MATR3: variants seen among roughly 807,000 people sequenced by gnomAD.
MATR3 encodes the protein matrin-3.
MATR3 carries 4 observed loss-of-function variants against 85.5 expected under a neutral mutation model. That is an observed-to-expected ratio of 0.05 (90% CI 0.02 to 0.11). The LOEUF is 0.11. MATR3 is among the 10% of genes least tolerant of loss of function. The pLI, the probability that MATR3 is intolerant of heterozygous loss-of-function variation, is 1.00. For synonymous variants in MATR3, 336 were observed against 343.1 expected, an observed-to-expected ratio of 0.98 and a Z score of 0.23; for missense variants, 685 against 1,016.1, an observed-to-expected ratio of 0.67 and a Z score of 4.43.
intron 1 of MATR3, among the ~76,000 whole-genome samples, chr5:139,296,250 T>C (rs1754144042): frequency 6.6e-6 from 1 of 152,154 alleles, no homozygotes; most frequent in Admixed American, 6.6e-5. Context: ...AAAGTGGAAA[T>C]CTATACAGCC....
At chr5:139,283,226 A>C (rs1371467531) in intron 3 of MATR3, 1 of 152,280 alleles carries the variant, frequency 6.6e-6, no homozygotes. Context: ...AGGAGAGGGA[A>C]GATGCCCCTC....
chr5:139,297,973 G>C (rs1754244910), intron 1 of MATR3, among the ~76,000 whole-genome samples: 1 of 152,176 alleles, frequency 6.6e-6, no homozygotes, highest in African/African-American at 2.4e-5. Context: ...AGATGGGTAA[G>C]AAAAGTAAAA....
Position 139,315,641 on chromosome 5 carries a change from C to T in MATR3, c.975-56C>T, listed in dbSNP as rs900258761. On this transcript the variant is annotated intron_variant, in intron 3 of 14. Coordinates refer to ENST00000394805, the MANE Select transcript of MATR3 (RefSeq NM_018834.6). The stretch of plus-strand genomic sequence containing the variant: ...TCTCTATTTTAGAGGCCAAACAAGG[C>T]TGTTTTGTGAAAAGGACAGTTTTAT... 10 of 1,151,728 alleles carry T rather than the reference C, an allele frequency of 8.7e-6. No homozygotes were observed. The Admixed American group carries it at 1.0e-4, about 12-fold the overall frequency. 71.3% of individuals were successfully genotyped at this position (1,151,728 alleles called of 1,614,324 possible). A position where few individuals can be genotyped will look rare whatever the true frequency, so the allele number is the denominator to read the frequency against.
chr5:139,299,302 T>C (rs17207961), intron 1 of MATR3, among the ~76,000 whole-genome samples: 4,742 of 152,250 alleles, frequency 0.031, 127 homozygotes, highest in Non-Finnish European at 0.042. Context: ...TAAGCAGACG[T>C]TTCTGTAAGG....
chr5:139,317,765 A>G (rs1561939343), intron 7 of MATR3, 44 bp downstream of exon 7: 3 of 1,477,322 alleles, frequency 2.0e-6, no homozygotes, highest in Non-Finnish European at 2.8e-6. Context: ...TCATGCCACT[A>G]ATATATGTTC....
intron 1 of MATR3, among the ~76,000 whole-genome samples, chr5:139,304,162 GTTTGT>G (rs1352348064): frequency 6.6e-6 from 1 of 152,156 alleles, no homozygotes; most frequent in East Asian, 1.9e-4. Context: ...TTAAGTTACA[GTTTGT>G]TTTGAGTTGC....
In MATR3 at chr5:139,330,734, G is replaced by C; in HGVS notation, c.*1339G>C. 1 of 454,098 alleles carries C rather than the reference G, an allele frequency of 2.2e-6. No individual in the cohort carries two copies. Among genetic ancestry groups the C allele is most frequent in the Non-Finnish European group, 4.4e-6 (1 of 226,782 alleles). 28.1% of individuals were successfully genotyped at this position (454,098 alleles called of 1,614,324 possible). A position where few individuals can be genotyped will look rare whatever the true frequency, so the allele number is the denominator to read the frequency against. Reference sequence around the variant, plus strand: ...AAGTAATACGGATGAGCAAGAATTAGTTCTGCAGCTTTTCAAAATAATTAC... The same window carrying C: ...AAGTAATACGGATGAGCAAGAATTACTTCTGCAGCTTTTCAAAATAATTAC... On this transcript the variant is annotated 3_prime_UTR_variant, in exon 15 of 15. Coordinates refer to ENST00000394805, the MANE Select transcript of MATR3 (RefSeq NM_018834.6).
intron 1 of MATR3, among the ~76,000 whole-genome samples, chr5:139,302,058 C>T (rs1024851481): frequency 6.6e-6 from 1 of 152,182 alleles, no homozygotes; most frequent in Admixed American, 6.5e-5. Context: ...TGTATTTCAG[C>T]CTTCCTGGCA....
At chr5:139,305,460 A>C (rs926945394) in intron 1 of MATR3, among the ~76,000 whole-genome samples, 3 of 152,224 alleles carry the variant, frequency 2.0e-5, no homozygotes, top group Non-Finnish European at 2.9e-5. Flanking sequence ...TACAACATGA[A>C]GGTCAAAGCT....
At chr5:139,290,986 C>A (rs747293045), upstream of MATR3, among the ~76,000 whole-genome samples, 9 of 152,114 alleles carry the variant, frequency 5.9e-5, no homozygotes, top group Non-Finnish European at 1.0e-4. Flanking sequence ...TTTCCTACAT[C>A]TCCAGCCCTT....
Position 139,329,430 on chromosome 5 carries a change from T to A in MATR3, c.*35T>A, listed in dbSNP as rs754207617. ...GGAGATTTAATGATTTCAAAGAAAA[T>A]AATGGTTCTTTGTTTTTAATGTTAA... On this transcript the variant is annotated 3_prime_UTR_variant, in exon 15 of 15. Coordinates refer to ENST00000394805, the MANE Select transcript of MATR3 (RefSeq NM_018834.6). The A allele has an allele frequency of 6.5e-7, 1 of 1,543,488 alleles. No homozygotes were observed. Among genetic ancestry groups the A allele is most frequent in the Non-Finnish European group, 8.9e-7 (1 of 1,117,924 alleles).
At chr5:139,318,425 C>T (rs1450791970) in intron 7 of MATR3, among the ~76,000 whole-genome samples, 1 of 151,976 alleles carries the variant, frequency 6.6e-6, no homozygotes, top group African/African-American at 2.4e-5. Context: ...TCGGCCATTA[C>T]ACCCGGCCAA....
intron 1 of MATR3, among the ~76,000 whole-genome samples, chr5:139,295,877 A>G (rs934358100): frequency 3.3e-5 from 5 of 152,022 alleles, no homozygotes; most frequent in African/African-American, 9.7e-5. Flanking sequence ...GTGCAGTGGT[A>G]TGATCAGTGG....
rs111624455 is a variant in MATR3 at position 139,321,518 on chromosome 5, G to A, written c.1603-380G>A. On this transcript the variant is annotated intron_variant, in intron 9 of 14. Coordinates refer to ENST00000394805, the MANE Select transcript of MATR3 (RefSeq NM_018834.6). ...AAATTTTTAGCCGGGTGTGGTTGCT[G>A]TCACCTGTAATCCCAGCACTTTGTG... is the stretch of plus-strand genomic sequence containing the variant. Among the ~76,000 whole-genome samples the A allele has an allele frequency of 2.0e-3, 310 of 152,208 alleles. 1 individual carries two copies. Among genetic ancestry groups the A allele is most frequent in the African/African-American group, 7.2e-3 (299 of 41,528 alleles).
chr5:139,287,669 C>T lies in MATR3; in HGVS notation c.-178+8540C>T, dbSNP rs1753747738. On this transcript the variant is annotated intron_variant, in intron 3 of 16. Transcript: ENST00000509990. ...GCTGTACCAAACTTGTCACTTAGAC[C>T]TTTCAAAGTCTCACCAGCAATTCTT... 2.0e-5 allele frequency among the ~76,000 whole-genome samples: 3 copies of T among 152,038 alleles called. No homozygotes were observed. In the South Asian group the frequency reaches 6.2e-4, roughly 31 times the overall value.
chr5:139,310,465 A>G (rs1319300513), intron 2 of MATR3: 3 of 152,176 alleles, frequency 2.0e-5, no homozygotes, highest in Non-Finnish European at 4.4e-5. Flanking sequence ...TATTGAAAAA[A>G]TCTTTACTCA....
intron 1 of MATR3, among the ~76,000 whole-genome samples, chr5:139,305,396 CTT>C (rs1200114539): frequency 2.0e-5 from 3 of 152,106 alleles, no homozygotes; most frequent in African/African-American, 7.2e-5. Context: ...TATAATTTCT[CTT>C]AGGGAAAAAA....
At chr5:139,295,492 C>G (rs1209029035) in intron 1 of MATR3, among the ~76,000 whole-genome samples, 3 of 152,184 alleles carry the variant, frequency 2.0e-5, no homozygotes, top group Non-Finnish European at 4.4e-5. Flanking sequence ...AGAAGTTTCG[C>G]TTTATCATCT....
intron 14 of MATR3, 90 bp from the exon 15 acceptor site, chr5:139,329,255 C>CT (rs769974680): frequency 1.1e-6 from 1 of 914,502 alleles, no homozygotes; most frequent in Non-Finnish European, 1.8e-6. Context: ...AGTCCCTAAA[C>CT]TTGGATATAG....
Sources: gnomAD v4.1 joint callset for allele counts (sites outside exome capture counted in the v4.1 genomes callset) on GRCh38, gnomAD v4.1.1 for gene constraint, MANE v1.5 for transcripts, NCBI Gene and HGNC (gene_info 2026-07-23, HGNC 2026-07-21) for gene names.